The following HAS2 variants were observed in gnomAD, a reference collection of about 807,000 sequenced individuals.
HAS2 encodes HA synthase 2.
A neutral mutation model predicts 51.6 loss-of-function variants in HAS2; 16 were observed. The ratio of observed to expected loss-of-function variants is 0.31; its 90% CI spans 0.21 to 0.47. The LOEUF is 0.47. Ranked by LOEUF, HAS2 falls within the 20% of genes least tolerant of loss-of-function variation. The pLI is 1.00. For synonymous variants in HAS2, 228 were observed against 235.5 expected (o/e 0.97, Z 0.29); for missense variants, 361 against 662.6 (o/e 0.54, Z 5.00).
Position 121,613,713 on chromosome 8 carries a change from C to A in HAS2, c.*396G>T. On this transcript the variant is annotated 3_prime_UTR_variant, in exon 4 of 4. Transcript: ENST00000303924. ...ATCCTTCCTAAAAAAAAAAAATTAT[C>A]ATCTATCAAAACAGTCCATAAGTTA... 1 of 163,858 alleles carries A rather than the reference C, an allele frequency of 6.1e-6. No homozygotes were observed. Among genetic ancestry groups the A allele is most frequent in the Admixed American group, 5.9e-5 (1 of 17,050 alleles). The allele number at this position is 163,858 out of a possible 1,614,324, so 10.2% of individuals were successfully genotyped here.
At chr8:121,626,328 A>T (rs989989406) in intron 2 of HAS2, among the ~76,000 whole-genome samples, 4 of 152,162 alleles carry the variant, frequency 2.6e-5, no homozygotes, top group African/African-American at 7.2e-5. Context: ...AGGCTATGAG[A>T]GCAATAAGCA....
At chr8:121,638,003 A>G (rs1047303988) in intron 1 of HAS2, among the ~76,000 whole-genome samples, 2 of 152,212 alleles carry the variant, frequency 1.3e-5, no homozygotes, top group African/African-American at 2.4e-5. Flanking sequence ...TTAGACTTTG[A>G]AAGTAAATGT....
intron 3 of HAS2, among the ~76,000 whole-genome samples, chr8:121,616,361 T>C (rs571542598): frequency 6.6e-6 from 1 of 152,286 alleles, no homozygotes; most frequent in South Asian, 2.1e-4. Context: ...CAACCACATA[T>C]TGATCATCCT....
Position 121,617,216 on chromosome 8 carries a change from A to G in HAS2, c.628-10T>C. 1.3e-6 allele frequency: 2 copies of G among 1,527,398 alleles called. No homozygotes were observed. The allele number at this position is 1,527,398 out of a possible 1,614,324, so 94.6% of individuals were successfully genotyped here. On this transcript the variant is annotated splice_polypyrimidine_tract_variant and intron_variant, in intron 2 of 3. Transcript: ENST00000303924. ...TGTCTGAATCACAAACCTGCAAAGAAGCAAATGAAAAATGAGTTAAAGAAA... is the reference window on the plus strand; with the variant it reads ...TGTCTGAATCACAAACCTGCAAAGAGGCAAATGAAAAATGAGTTAAAGAAA...
chr8:121,635,833 T>C (rs1342554197), intron 1 of HAS2, among the ~76,000 whole-genome samples: 1 of 152,206 alleles, frequency 6.6e-6, no homozygotes, highest in African/African-American at 2.4e-5. Flanking sequence ...CATAAACTCA[T>C]GTTGTATGGG....
chr8:121,633,963 T>G (rs972798997), intron 1 of HAS2, among the ~76,000 whole-genome samples: 3 of 149,750 alleles, frequency 2.0e-5, no homozygotes, highest in African/African-American at 7.4e-5. Flanking sequence ...CAGGTTGGAG[T>G]GCAATGGCAC....
At chr8:121,625,443 G>T (rs1812833687) in intron 2 of HAS2, among the ~76,000 whole-genome samples, 1 of 151,372 alleles carries the variant, frequency 6.6e-6, no homozygotes, top group Non-Finnish European at 1.5e-5. Flanking sequence ...TTAAAACAAA[G>T]TTTCTCTAGA....
chr8:121,637,580 A>G (rs13271822), intron 1 of HAS2, among the ~76,000 whole-genome samples: 89,806 of 151,782 alleles, frequency 0.59, 28,172 homozygotes, highest in East Asian at 0.86. Context: ...TAGTAGAGAC[A>G]GGGTTTCACC....
chr8:121,640,568 A>G (rs979815011), intron 1 of HAS2, among the ~76,000 whole-genome samples: 2 of 152,062 alleles, frequency 1.3e-5, no homozygotes, highest in Non-Finnish European at 2.9e-5. Context: ...GGAAAAGTAC[A>G]TCTGAGGACG....
chr8:121,622,202 C>A (rs1261961393), intron 2 of HAS2, among the ~76,000 whole-genome samples: 3 of 152,048 alleles, frequency 2.0e-5, no homozygotes, highest in Admixed American at 1.3e-4. Context: ...GGGGTAATGG[C>A]AGGAACAAAA....
At chr8:121,635,134 T>A (rs905237084) in intron 1 of HAS2, among the ~76,000 whole-genome samples, 1 of 152,198 alleles carries the variant, frequency 6.6e-6, no homozygotes, top group Non-Finnish European at 1.5e-5. Flanking sequence ...GTTATACTAG[T>A]GTTCAAATCC....
chr8:121,638,868 A>G (rs920563025), intron 1 of HAS2, among the ~76,000 whole-genome samples: 7 of 152,228 alleles, frequency 4.6e-5, no homozygotes, highest in Admixed American at 6.5e-5. Flanking sequence ...AGTTCTTTTC[A>G]ATTCAAGTCA....
intron 2 of HAS2, among the ~76,000 whole-genome samples, chr8:121,618,699 T>G (rs1226007768): frequency 6.6e-6 from 1 of 152,240 alleles, no homozygotes; most frequent in African/African-American, 2.4e-5. Flanking sequence ...TGTCATGTGA[T>G]TAATCAGCTT....
chr8:121,634,310 A>C (rs1159635855), intron 1 of HAS2, among the ~76,000 whole-genome samples: 2 of 152,034 alleles, frequency 1.3e-5, no homozygotes, highest in Non-Finnish European at 2.9e-5. Context: ...AATGAATTCA[A>C]ATTTATTGAG....
chr8:121,637,230 A>C (rs1399594014), intron 1 of HAS2, among the ~76,000 whole-genome samples: 1 of 152,136 alleles, frequency 6.6e-6, no homozygotes, highest in Non-Finnish European at 1.5e-5. Context: ...AGATGTATTC[A>C]GTTAAGAGGC....
At position 121,612,455 on chromosome 8, in the gene HAS2, TAA is replaced by T. The variant is rs200643770; in HGVS notation, c.*1652_*1653del. On this transcript the variant is annotated 3_prime_UTR_variant, in exon 4 of 4. Coordinates refer to ENST00000303924, the MANE Select transcript of HAS2 (RefSeq NM_005328.3). ...GATAGATGTAACATAGATGACTGCATAAAAAAGAGGCAGAAAGGCAGGAAGCC... is the reference window on the plus strand; with the variant it reads ...GATAGATGTAACATAGATGACTGCATAAAAGAGGCAGAAAGGCAGGAAGCC... 6.6e-6 allele frequency: 1 copy of T among 151,992 alleles called. No homozygotes were observed. The allele number at this position is 151,992 out of a possible 1,614,324, so 9.4% of individuals were successfully genotyped here.
chr8:121,632,518 C>G (rs1652343439), intron 1 of HAS2, among the ~76,000 whole-genome samples: 1 of 152,054 alleles, frequency 6.6e-6, no homozygotes, highest in South Asian at 2.1e-4. Context: ...CTAATTGATA[C>G]CAAATATTTA....
chr8:121,635,486 G>T (rs1232872953), intron 1 of HAS2, among the ~76,000 whole-genome samples: 2 of 152,150 alleles, frequency 1.3e-5, no homozygotes, highest in African/African-American at 2.4e-5. Flanking sequence ...ACTATGGCAT[G>T]ATGAAAAGAA....
chr8:121,640,771 A>C (rs1211781764), intron 1 of HAS2, 82 bp downstream of exon 1: 22 of 152,158 alleles, frequency 1.4e-4, no homozygotes, highest in Admixed American at 1.3e-3. Context: ...AAAAATTTTA[A>C]AACAATTATA....
Sources: gnomAD v4.1 joint callset for allele counts (sites outside exome capture counted in the v4.1 genomes callset) on GRCh38, gnomAD v4.1.1 for gene constraint, MANE v1.5 for transcripts, NCBI Gene and HGNC (gene_info 2026-07-23, HGNC 2026-07-21) for gene names.